The following PECAM1 variants were observed in gnomAD, a reference collection of about 807,000 sequenced individuals.
The protein encoded by PECAM1 is platelet endothelial cell adhesion molecule.
PECAM1 carries 8 observed loss-of-function variants against 13.8 expected under a neutral mutation model. The ratio of observed to expected loss-of-function variants is 0.58; its 90% CI spans 0.34 to 1.05. PECAM1 has a LOEUF of 1.05. PECAM1 is among the 50% of genes least tolerant of loss of function. PECAM1 has a pLI of 0.03. For missense variants in PECAM1, 304 were observed against 141.2 expected (o/e 2.15, Z -5.84); for synonymous variants, 136 against 52.6 (o/e 2.58, Z -6.86).
chr17:64,356,077 C>T (rs1473429998), intron 8 of PECAM1, 34 bp downstream of exon 8: 6 of 475,018 alleles, frequency 1.3e-5, no homozygotes, highest in South Asian at 6.7e-5. Flanking sequence ...CTTGGGAGCC[C>T]ACAGCACAGC....
At chr17:64,328,047 C>CT (rs2143671281) in intron 15 of PECAM1, among the ~76,000 whole-genome samples, 1 of 152,310 alleles carries the variant, frequency 6.6e-6, no homozygotes, top group East Asian at 1.9e-4. Flanking sequence ...TGACTCTATT[C>CT]TTTTTTCTGG....
At chr17:64,388,439 C>T (rs926728604) in intron 2 of PECAM1, among the ~76,000 whole-genome samples, 8 of 152,150 alleles carry the variant, frequency 5.3e-5, no homozygotes, top group Non-Finnish European at 1.0e-4. Flanking sequence ...CAATTAATCA[C>T]CTCCTTTTAT....
At chr17:64,326,738 GTAAAGGT>G (rs1167002004) in intron 15 of PECAM1, among the ~76,000 whole-genome samples, 3 of 152,192 alleles carry the variant, frequency 2.0e-5, no homozygotes, top group Non-Finnish European at 4.4e-5. Flanking sequence ...GGATTTTGAA[GTAAAGGT>G]TAACACGCTC....
intron 3 of PECAM1, among the ~76,000 whole-genome samples, chr17:64,375,729 G>A (rs1379151923): frequency 2.6e-5 from 4 of 152,036 alleles, no homozygotes; most frequent in African/African-American, 4.8e-5. Context: ...TTGGGAGGCC[G>A]AGGTGGGAGA....
chr17:64,390,611 G>A lies in PECAM1; in HGVS notation c.55C>T (p.Leu19Phe), dbSNP rs1302617631. The A allele has an allele frequency of 2.1e-5, 10 of 471,662 alleles. No homozygotes were observed. Among genetic ancestry groups the A allele is most frequent in the Non-Finnish European group, 3.9e-5 (10 of 257,522 alleles). The allele number at this position is 471,662 out of a possible 1,614,324, so 29.2% of individuals were successfully genotyped here. ...ATMWLGVLLT[L>F]LLCSSLEGQE... ...CAGAGTAAACACTCACAGAGCAGAA[G>A]GGTCAGCAGGACTCCAAGCCACATC... is the stretch of plus-strand genomic sequence containing the variant. Residue 19 changes from leucine (L) to phenylalanine (F), a missense_variant, in exon 1 of 16, where the codon CTT becomes TTT. Coordinates refer to ENST00000563924, the MANE Select transcript of PECAM1 (RefSeq NM_000442.5).
At chr17:64,370,956 TATC>T (rs1406494810) in intron 4 of PECAM1, among the ~76,000 whole-genome samples, 1 of 152,214 alleles carries the variant, frequency 6.6e-6, no homozygotes, top group Non-Finnish European at 1.5e-5. Context: ...AATTAGAAGT[TATC>T]ATAAAATAAT....
chr17:64,343,189 G>A (rs118197053), intron 13 of PECAM1, among the ~76,000 whole-genome samples: 1 of 152,074 alleles, frequency 6.6e-6, no homozygotes, highest in African/African-American at 2.4e-5. Flanking sequence ...GTGAATGGCT[G>A]GGGTGTGACC....
chr17:64,329,731 C>G lies in PECAM1; in HGVS notation c.2165-9G>C, dbSNP rs2035053663. The G allele has an allele frequency of 1.3e-6, 1 of 768,778 alleles. No homozygotes were observed. Among genetic ancestry groups the G allele is most frequent in the East Asian group, 2.4e-5 (1 of 40,818 alleles). 47.6% of individuals were successfully genotyped at this position (768,778 alleles called of 1,614,324 possible). On this transcript the variant is annotated splice_polypyrimidine_tract_variant and intron_variant, in intron 14 of 15. Coordinates refer to ENST00000563924, the MANE Select transcript of PECAM1 (RefSeq NM_000442.5). ...TCTGCTTTCCACGGCATCTACAAAA[C>G]AAAGGATGACATGGCAGTGAGCAAC...
At position 64,320,856 on chromosome 17, in the gene PECAM1, C is replaced by T. The variant is rs143945906; in HGVS notation, c.*2960G>A. 207 of 152,294 alleles carry T rather than the reference C, an allele frequency of 1.4e-3. No homozygotes were observed. Among genetic ancestry groups the T allele is most frequent in the Non-Finnish European group, 2.6e-3 (177 of 68,038 alleles). The allele number at this position is 152,294 out of a possible 1,614,324, so 9.4% of individuals were successfully genotyped here. A position where few individuals can be genotyped will look rare whatever the true frequency, so the allele number is the denominator to read the frequency against. ...CATTTGGGACTTGATCATGCTTGGT[C>T]GTGGGAGACGGTTCTGTGCCTGTAG... is the stretch of plus-strand genomic sequence containing the variant. On this transcript the variant is annotated 3_prime_UTR_variant, in exon 16 of 16. Coordinates refer to ENST00000563924, the MANE Select transcript of PECAM1 (RefSeq NM_000442.5).
Position 64,323,289 on chromosome 17 carries a change from A to G in PECAM1, c.*527T>C, listed in dbSNP as rs2143648742. On this transcript the variant is annotated 3_prime_UTR_variant, in exon 16 of 16. Transcript: ENST00000563924. ...TTTCCCATTTGTGGAGGGCGAGGTC[A>G]TAGAGGGGACAGGGGGAGGCTGTCT... 1.0e-6 allele frequency: 1 copy of G among 999,902 alleles called. No homozygotes were observed. Among genetic ancestry groups the G allele is most frequent in the African/African-American group, 1.7e-5 (1 of 57,454 alleles). The allele number at this position is 999,902 out of a possible 1,614,324, so 61.9% of individuals were successfully genotyped here.
intron 4 of PECAM1, among the ~76,000 whole-genome samples, chr17:64,372,533 TCTCA>T: frequency 6.6e-6 from 1 of 152,124 alleles, no homozygotes; most frequent in Admixed American, 6.6e-5. Flanking sequence ...TGAGATGGAG[TCTCA>T]CTCAGTCACC....
intron 13 of PECAM1, among the ~76,000 whole-genome samples, chr17:64,346,508 G>A (rs2035573848): frequency 6.6e-6 from 1 of 152,064 alleles, no homozygotes. Flanking sequence ...GCTAATTTTT[G>A]TATTTTTAGT....
intron 15 of PECAM1, among the ~76,000 whole-genome samples, chr17:64,326,997 G>A (rs1336561109): frequency 6.6e-6 from 1 of 152,230 alleles, no homozygotes; most frequent in African/African-American, 2.4e-5. Context: ...CCAAGTGAGG[G>A]AGTTTATGAT....
chr17:64,357,894 G>C (rs1383764759), intron 7 of PECAM1, among the ~76,000 whole-genome samples: 1 of 152,024 alleles, frequency 6.6e-6, no homozygotes, highest in South Asian at 2.1e-4. Flanking sequence ...CCTGCTCCCT[G>C]ACCCAGCCAC....
chr17:64,324,744 G>A (rs1555645264), intron 15 of PECAM1, among the ~76,000 whole-genome samples: 1 of 152,228 alleles, frequency 6.6e-6, no homozygotes, highest in Non-Finnish European at 1.5e-5. Flanking sequence ...GGAAAACCTT[G>A]AAAACGTTAT....
intron 5 of PECAM1, 102 bp from the exon 6 acceptor site, chr17:64,363,499 CT>C: frequency 4.3e-6 from 2 of 467,164 alleles, no homozygotes; most frequent in Non-Finnish European, 7.7e-6. Context: ...GCAGAACCAA[CT>C]TCCAACTTCC....
At chr17:64,336,968 G>C (rs1469681600) in intron 14 of PECAM1, among the ~76,000 whole-genome samples, 1 of 150,982 alleles carries the variant, frequency 6.6e-6, no homozygotes, top group Non-Finnish European at 1.5e-5. Flanking sequence ...GGAAAGAAAG[G>C]AAGAAAAAGA....
chr17:64,367,883 T>A (rs2036147453), intron 5 of PECAM1, among the ~76,000 whole-genome samples: 1 of 152,174 alleles, frequency 6.6e-6, no homozygotes, highest in Non-Finnish European at 1.5e-5. Context: ...TAAGTCATGA[T>A]CAATACTTAA....
Position 64,352,382 on chromosome 17 carries a change from G to T in PECAM1, c.1990+8C>A. The T allele has an allele frequency of 2.1e-6, 1 of 474,998 alleles. No individual in the cohort carries two copies. The highest frequency in any genetic ancestry group is 6.8e-5 in the South Asian group (1 of 14,762). 29.4% of individuals were successfully genotyped at this position (474,998 alleles called of 1,614,324 possible). On this transcript the variant is annotated splice_region_variant and intron_variant, in intron 11 of 15. Transcript: ENST00000563924. Reference sequence around the variant, plus strand: ...GAAATTAGAAATGGCAGGAGAACATGACTTTACCGTAATGACTGTTAGCTT... The same window carrying T: ...GAAATTAGAAATGGCAGGAGAACATTACTTTACCGTAATGACTGTTAGCTT...
Sources: allele counts gnomAD v4.1 joint callset (sites outside exome capture counted in the v4.1 genomes callset), GRCh38; gene constraint gnomAD v4.1.1; transcripts MANE v1.5; gene names NCBI Gene and HGNC (gene_info 2026-07-23, HGNC 2026-07-21).